Variants in COL3A1 observed in about 807,000 individuals in gnomAD.
COL3A1 encodes collagen alpha-1(III) chain.
COL3A1 carries 46 observed loss-of-function variants against 200.9 expected under a neutral mutation model. That is an observed-to-expected ratio of 0.23 (90% confidence interval 0.18 to 0.29). The LOEUF is 0.29. Ranked by LOEUF, COL3A1 falls within the 10% of genes least tolerant of loss-of-function variation. COL3A1 has a pLI of 1.00. For missense variants in COL3A1, 1,367 were observed against 1,917.6 expected (o/e 0.71, Z 5.36); for synonymous variants, 650 against 628.0 (o/e 1.03, Z -0.52).
At chr2:189,001,298 T>C in intron 32 of COL3A1, 99 bp from the exon 33 acceptor site, 3 of 1,152,890 alleles carry the variant, frequency 2.6e-6, no homozygotes, top group Non-Finnish European at 3.8e-6. Context: ...GTATGTTATC[T>C]AGTTTATTAG....
At chr2:188,993,985 A>G in intron 16 of COL3A1, 53 bp from the exon 17 acceptor site, 1 of 1,539,296 alleles carries the variant, frequency 6.5e-7, no homozygotes. Flanking sequence ...CTTCAAATAT[A>G]TACGAACTAT....
chr2:189,010,932 C>A (rs1688710715), intron 50 of COL3A1, 42 bp downstream of exon 50: 1 of 1,612,016 alleles, frequency 6.2e-7, no homozygotes, highest in East Asian at 2.2e-5. Context: ...AAGCAGTCAG[C>A]ATTTTAGTTT....
Position 189,010,236 on chromosome 2 carries a change from T to C in COL3A1, c.3882T>C (p.Cys1294=), listed in dbSNP as rs1033051824. The change falls in exon 49 of 51, where the codon TGT becomes TGC. Residue 1294 remains cysteine (C), a synonymous_variant. Coordinates refer to ENST00000304636, the MANE Select transcript of COL3A1 (RefSeq NM_000090.4). ...GCKLDAIKVF[C]NMETGETCIS... is the part of the protein sequence containing the mutation. ...AATTGGATGCTATCAAGGTATTCTG[T>C]AATATGGAAACTGGGGAAACATGCA... is the stretch of plus-strand genomic sequence containing the variant. 1 of 1,614,172 alleles carries C rather than the reference T, an allele frequency of 6.2e-7. No individual in the cohort carries two copies. Among genetic ancestry groups the C allele is most frequent in the Non-Finnish European group, 8.5e-7 (1 of 1,180,010 alleles).
chr2:188,996,332 T>A lies in COL3A1; in HGVS notation c.1663-66T>A, dbSNP rs1392013620. The A allele has an allele frequency of 6.1e-6, 6 of 982,814 alleles. No homozygotes were observed. In the Admixed American group the frequency reaches 1.0e-4, roughly 17 times the overall value. The allele number at this position is 982,814 out of a possible 1,614,324, so 60.9% of individuals were successfully genotyped here. The stretch of plus-strand genomic sequence containing the variant: ...CACACACACACACACACACACATAC[T>A]ATATATATAGCATGCTTTAATCTTC... On this transcript the variant is annotated intron_variant, in intron 23 of 50. Transcript: ENST00000304636.
intron 47 of COL3A1, chr2:189,008,602 C>A: frequency 2.2e-6 from 1 of 462,090 alleles, no homozygotes; most frequent in Non-Finnish European, 3.9e-6. Context: ...TTACACTCCC[C>A]TCTGTCATGT....
At chr2:188,991,799 G>A (rs2153502132) in intron 13 of COL3A1, 77 bp downstream of exon 13, 2 of 1,452,382 alleles carry the variant, frequency 1.4e-6, no homozygotes, top group East Asian at 2.3e-5. Flanking sequence ...GTTTCAGGCT[G>A]TAAAAATATG....
Position 188,987,763 on chromosome 2 carries a change from A to G in COL3A1, c.529-318A>G, listed in dbSNP as rs546892229. Among the ~76,000 whole-genome samples the G allele has an allele frequency of 5.5e-3, 831 of 152,246 alleles. 2 individuals are homozygous for G. Among genetic ancestry groups the G allele is most frequent in the Non-Finnish European group, 8.8e-3 (600 of 67,996 alleles). The stretch of plus-strand genomic sequence containing the variant: ...GAAATTGCTTCTTCACCAGTGCAAT[A>G]TAACCCTAACATTGCAGGGATTTTC... On this transcript the variant is annotated intron_variant, in intron 5 of 50. Coordinates refer to ENST00000304636, the MANE Select transcript of COL3A1 (RefSeq NM_000090.4).
chr2:188,993,362 G>A lies in COL3A1; in HGVS notation c.1052G>A (p.Gly351Asp). 1 of 1,566,930 alleles carries A rather than the reference G, an allele frequency of 6.4e-7. No individual in the cohort carries two copies. Among genetic ancestry groups the A allele is most frequent in the East Asian group, 2.4e-5 (1 of 42,388 alleles). ...GACTACACAAGGTTTTACCATTAGG[G>A]TGAAGTTGGACCTGCAGGGTCTCCT... is the stretch of plus-strand genomic sequence containing the variant. ...AGFPGSPGAK[G>D]EVGPAGSPGS... Residue 351 changes from glycine (G) to aspartate (D), a missense_variant and splice_region_variant, in exon 16 of 51, where the codon GGT (glycine) becomes GAT (aspartate). Transcript: ENST00000304636.
intron 8 of COL3A1, 55 bp from the exon 9 acceptor site, chr2:188,990,041 T>C (rs1688153146): frequency 3.9e-6 from 6 of 1,520,410 alleles, no homozygotes; most frequent in Non-Finnish European, 5.5e-6. Context: ...GCTTATTGGC[T>C]ACAATGTATT....
intron 1 of COL3A1, among the ~76,000 whole-genome samples, chr2:188,982,265 A>G (rs1190834223): frequency 6.6e-6 from 1 of 151,756 alleles, no homozygotes; most frequent in Non-Finnish European, 1.5e-5. Context: ...AAGCTAAATA[A>G]CAACGTTAAT....
chr2:189,000,289 G>A (rs1350823697), intron 32 of COL3A1, among the ~76,000 whole-genome samples: 1 of 152,098 alleles, frequency 6.6e-6, no homozygotes, highest in Non-Finnish European at 1.5e-5. Flanking sequence ...GCAACAAAAA[G>A]GAATGAACAA....
At position 189,009,035 on chromosome 2, in the gene COL3A1, G is replaced by C. The variant is rs1427744978; in HGVS notation, c.3637G>C (p.Ala1213Pro). Residue 1213 changes from alanine to proline, a missense_variant, in exon 48 of 51, where the codon GCT becomes CCT. Physicochemically the swap from Ala to Pro is conservative, Grantham distance 27 (BLOSUM62 -1). Transcript: ENST00000304636. ...AAIAGIGGEKAGGFAPYYGDE... is the reference protein window; with the variant it reads ...AAIAGIGGEKPGGFAPYYGDE... Reference sequence around the variant, plus strand: ...CATTGCTGGGATTGGAGGTGAAAAAGCTGGCGGTTTTGCCCCGTATTATGG... The same window carrying C: ...CATTGCTGGGATTGGAGGTGAAAAACCTGGCGGTTTTGCCCCGTATTATGG... 6.2e-7 allele frequency: 1 copy of C among 1,614,170 alleles called. No individual in the cohort carries two copies. The highest frequency in any genetic ancestry group is 8.5e-7 in the Non-Finnish European group (1 of 1,180,022).
At chr2:189,006,005 C>T in intron 41 of COL3A1, among the ~76,000 whole-genome samples, 1 of 152,064 alleles carries the variant, frequency 6.6e-6, no homozygotes, top group Non-Finnish European at 1.5e-5. Context: ...AATCACCTCT[C>T]CTCCATGAAT....
rs978342971 is a variant in COL3A1 at position 188,990,488 on chromosome 2, A to G, written c.798+128A>G. The G allele has an allele frequency of 4.6e-6, 4 of 860,370 alleles. No individual in the cohort carries two copies. The Admixed American group carries it at 8.7e-5, about 19-fold the overall frequency. The allele number at this position is 860,370 out of a possible 1,614,324, so 53.3% of individuals were successfully genotyped here. Reference sequence around the variant, plus strand: ...ACAATTAATTAATTTGATATTTTTAAGTCTACTAAGTTTGTTTGTTGACCA... The same window carrying G: ...ACAATTAATTAATTTGATATTTTTAGGTCTACTAAGTTTGTTTGTTGACCA... On this transcript the variant is annotated intron_variant, in intron 10 of 50. Coordinates refer to ENST00000304636, the MANE Select transcript of COL3A1 (RefSeq NM_000090.4).
intron 4 of COL3A1, among the ~76,000 whole-genome samples, chr2:188,986,607 C>T (rs1328744968): frequency 1.3e-5 from 2 of 151,854 alleles, no homozygotes; most frequent in Non-Finnish European, 2.9e-5. Flanking sequence ...TCATATTAAC[C>T]AGAATCCAGG....
rs930272189 is a variant in COL3A1 at position 189,010,029 on chromosome 2, T to A, written c.3824-149T>A. On this transcript the variant is annotated intron_variant, in intron 48 of 50. Coordinates refer to ENST00000304636, the MANE Select transcript of COL3A1 (RefSeq NM_000090.4). ...ATAGCTAACTCTTTTACCTCAGCAA[T>A]TTCAATCAAAAAGCTTCTCTATCAT... 80 of 738,170 alleles carry A rather than the reference T, an allele frequency of 1.1e-4. No individual in the cohort carries two copies. In the African/African-American group the frequency reaches 1.4e-3, roughly 13 times the overall value. The allele number at this position is 738,170 out of a possible 1,614,324, so 45.7% of individuals were successfully genotyped here.
chr2:188,989,516 C>G, intron 8 of COL3A1, 67 bp downstream of exon 8: 1 of 1,139,486 alleles, frequency 8.8e-7, no homozygotes, highest in Admixed American at 2.0e-5. Flanking sequence ...ACAGTATATG[C>G]TTTATGTCAG....
At chr2:188,992,331 A>G in intron 14 of COL3A1, 103 bp downstream of exon 14, 1 of 961,458 alleles carries the variant, frequency 1.0e-6, no homozygotes. Flanking sequence ...GTATATATAT[A>G]TGCATATGTA....
At chr2:188,983,753 T>C (rs1344472355) in intron 1 of COL3A1, among the ~76,000 whole-genome samples, 1 of 151,974 alleles carries the variant, frequency 6.6e-6, no homozygotes, top group Non-Finnish European at 1.5e-5. Context: ...GAACAGTACA[T>C]CATTTGTTGT....
Sources: gnomAD v4.1 joint callset for allele counts (sites outside exome capture counted in the v4.1 genomes callset) on GRCh38, gnomAD v4.1.1 for gene constraint, MANE v1.5 for transcripts, NCBI Gene and HGNC (gene_info 2026-07-23, HGNC 2026-07-21) for gene names.